The following MAMDC2 variants were observed in gnomAD, a reference collection of about 807,000 sequenced individuals.
The protein encoded by MAMDC2 is MAM domain containing 2, also known as MAM domain-containing protein 2.
A neutral mutation model predicts 89.8 loss-of-function variants in MAMDC2; 57 were observed. That is an observed-to-expected ratio of 0.63 (90% CI 0.51 to 0.79). The LOEUF (loss-of-function observed/expected upper bound fraction) is 0.79. Ranked by LOEUF, MAMDC2 falls within the 30% of genes least tolerant of loss-of-function variation. MAMDC2 has a pLI of 0.00. For synonymous variants in MAMDC2, 313 were observed against 293.4 expected (o/e 1.07, Z -0.68); for missense variants, 800 against 820.6 (o/e 0.97, Z 0.31).
Position 70,225,812 on chromosome 9 carries a change from A to G in MAMDC2, c.1974A>G (p.Lys658=). 2 of 1,611,398 alleles carry G rather than the reference A, an allele frequency of 1.2e-6. No homozygotes were observed. The highest frequency in any genetic ancestry group is 1.7e-6 in the Non-Finnish European group (2 of 1,177,840). ...GTGATATTGCCATTGATGATGTTAAATTTCAGGCAGGACCCTGTGGAGGTA... is the reference window on the plus strand; with the variant it reads ...GTGATATTGCCATTGATGATGTTAAGTTTCAGGCAGGACCCTGTGGAGGTA... ...IRSDIAIDDV[K]FQAGPCGEME... The change falls in exon 13 of 14, where the codon AAA becomes AAG. Residue 658 remains lysine, a synonymous_variant. Transcript: ENST00000377182.
In MAMDC2 at chr9:70,146,666, C is replaced by A. The variant is rs146591709; in HGVS notation, c.1404+2847C>A. Among the ~76,000 whole-genome samples, 562 of 152,296 alleles carry A rather than the reference C, an allele frequency of 3.7e-3. 2 individuals carry two copies. Among genetic ancestry groups the A allele is most frequent in the African/African-American group, 0.012 (519 of 41,556 alleles). On this transcript the variant is annotated intron_variant, in intron 9 of 13. Transcript: ENST00000377182. ...TTCCACTTCCAGTCAGGAGTAGTGGCTCACACCTGAAGTCACAACACTCTG... is the reference window on the plus strand; with the variant it reads ...TTCCACTTCCAGTCAGGAGTAGTGGATCACACCTGAAGTCACAACACTCTG...
At chr9:70,165,048 T>A (rs2032125298) in intron 9 of MAMDC2, among the ~76,000 whole-genome samples, 1 of 151,892 alleles carries the variant, frequency 6.6e-6, no homozygotes. Flanking sequence ...GTCTTAGAGA[T>A]GTTCCACTTG....
At chr9:70,048,073 G>A (rs1053543102) in intron 2 of MAMDC2, among the ~76,000 whole-genome samples, 8 of 152,100 alleles carry the variant, frequency 5.3e-5, no homozygotes, top group African/African-American at 1.7e-4. Flanking sequence ...ACAGGGCATC[G>A]GGCACTGAAA....
At chr9:70,151,497 C>T (rs1312674650) in intron 9 of MAMDC2, among the ~76,000 whole-genome samples, 6 of 152,094 alleles carry the variant, frequency 3.9e-5, no homozygotes, top group Admixed American at 2.0e-4. Flanking sequence ...TTGTTTGGTA[C>T]GTATGTGGTC....
intron 5 of MAMDC2, among the ~76,000 whole-genome samples, chr9:70,125,875 A>G (rs1375625352): frequency 2.0e-5 from 3 of 152,170 alleles, no homozygotes; most frequent in African/African-American, 7.2e-5. Context: ...TGACACATCT[A>G]CCTTTCTCTG....
chr9:70,062,408 A>C (rs564473690), intron 2 of MAMDC2: 1 of 152,312 alleles, frequency 6.6e-6, no homozygotes, highest in South Asian at 2.1e-4. Flanking sequence ...AGGAAAAAGA[A>C]AGTTTTTTAG....
At chr9:70,191,746 T>C (rs1173358796) in intron 11 of MAMDC2, among the ~76,000 whole-genome samples, 3 of 152,138 alleles carry the variant, frequency 2.0e-5, no homozygotes, top group Non-Finnish European at 2.9e-5. Context: ...TCCAAAAATA[T>C]ACTCTCGGAT....
At chr9:70,210,135 C>T (rs2033320393) in intron 11 of MAMDC2, among the ~76,000 whole-genome samples, 2 of 152,082 alleles carry the variant, frequency 1.3e-5, no homozygotes, top group Admixed American at 6.6e-5. Context: ...GAGAGTTCTG[C>T]AGATATCTAT....
At chr9:70,149,435 C>A (rs116000319) in intron 9 of MAMDC2, among the ~76,000 whole-genome samples, 1 of 152,022 alleles carries the variant, frequency 6.6e-6, no homozygotes, top group African/African-American at 2.4e-5. Context: ...CCTCAGCTGA[C>A]CTACAGGGAG....
intron 9 of MAMDC2, among the ~76,000 whole-genome samples, chr9:70,158,010 C>T (rs955331390): frequency 5.9e-5 from 9 of 152,030 alleles, no homozygotes; most frequent in African/African-American, 2.2e-4. Flanking sequence ...AGGCTGGAGT[C>T]CAGTGGTGTG....
chr9:70,144,581 T>A (rs2031336417), intron 9 of MAMDC2, among the ~76,000 whole-genome samples: 1 of 152,220 alleles, frequency 6.6e-6, no homozygotes, highest in Non-Finnish European at 1.5e-5. Context: ...ATCTCTTGAG[T>A]ATCCTGTCGT....
chr9:70,220,969 C>T (rs1185919387), intron 12 of MAMDC2, among the ~76,000 whole-genome samples: 1 of 152,020 alleles, frequency 6.6e-6, no homozygotes, highest in Non-Finnish European at 1.5e-5. Context: ...TATATTCTCA[C>T]CTAAGTCTCC....
chr9:70,178,214 T>C (rs549060260), intron 11 of MAMDC2, among the ~76,000 whole-genome samples: 2 of 152,268 alleles, frequency 1.3e-5, no homozygotes, highest in Non-Finnish European at 2.9e-5. Flanking sequence ...TTATATAGAA[T>C]GGAAACTTAT....
intron 9 of MAMDC2, among the ~76,000 whole-genome samples, chr9:70,160,336 G>A (rs1024670284): frequency 1.3e-5 from 2 of 152,000 alleles, no homozygotes; most frequent in Non-Finnish European, 2.9e-5. Context: ...AGCTTTATGG[G>A]GTAATTAAAT....
chr9:70,082,871 G>A (rs972978073), intron 2 of MAMDC2: 3 of 151,992 alleles, frequency 2.0e-5, no homozygotes, highest in Non-Finnish European at 2.9e-5. Context: ...CCTCTATCTG[G>A]TTCACTCTTG....
chr9:70,209,940 C>A (rs770203328), intron 11 of MAMDC2, among the ~76,000 whole-genome samples: 2 of 152,136 alleles, frequency 1.3e-5, no homozygotes, highest in Non-Finnish European at 2.9e-5. Flanking sequence ...TGTAGTTGAG[C>A]GGTTTTGAGT....
intron 11 of MAMDC2, chr9:70,217,547 C>G (rs990972043): frequency 6.3e-7 from 1 of 1,587,802 alleles, no homozygotes; most frequent in Non-Finnish European, 8.6e-7. Flanking sequence ...GCAAAAAAGG[C>G]TAAGCAAGCA....
chr9:70,167,132 C>T (rs552954275), intron 9 of MAMDC2, among the ~76,000 whole-genome samples: 8 of 151,374 alleles, frequency 5.3e-5, no homozygotes, highest in South Asian at 2.1e-4. Flanking sequence ...CAGAAGTAAA[C>T]GAGAAAAAAA....
In MAMDC2 at chr9:70,160,103, T is replaced by G. The variant is rs534856019; in HGVS notation, c.1405-8599T>G. ...GGCGCATGCTTGTAATCCCAGCTAC[T>G]CAGGAGGCTGAGACACGAGAATCCC... On this transcript the variant is annotated intron_variant, in intron 9 of 13. Transcript: ENST00000377182. Among the ~76,000 whole-genome samples the G allele has an allele frequency of 3.3e-5, 5 of 151,828 alleles. No homozygotes were observed. In the East Asian group the frequency reaches 9.7e-4, roughly 29 times the overall value.
Sources: allele counts gnomAD v4.1 joint callset (sites outside exome capture counted in the v4.1 genomes callset), GRCh38; gene constraint gnomAD v4.1.1; transcripts MANE v1.5; gene names NCBI Gene and HGNC (gene_info 2026-07-23, HGNC 2026-07-21).